The following GRAMD4 variants were observed in gnomAD, a reference collection of about 807,000 sequenced individuals.
GRAMD4 encodes GRAM domain-containing protein 4.
In GRAMD4, 25 loss-of-function variants were observed where a neutral mutation model predicts 83.9. The ratio of observed to expected loss-of-function variants is 0.30; its 90% confidence interval spans 0.22 to 0.42. GRAMD4 has a LOEUF of 0.42. Ranked by LOEUF, GRAMD4 falls within the 10% of genes least tolerant of loss-of-function variation. The pLI is 1.00. For missense variants in GRAMD4, 593 were observed against 788.7 expected, an observed-to-expected ratio of 0.75 and a Z score of 2.97; for synonymous variants, 336 against 320.9, an observed-to-expected ratio of 1.05 and a Z score of -0.50.
chr22:46,582,480 C>T (rs2081108127), intron 1 of GRAMD4, among the ~76,000 whole-genome samples: 1 of 152,312 alleles, frequency 6.6e-6, no homozygotes, highest in Middle Eastern at 3.4e-3. Context: ...CACTGCTCTC[C>T]TCTTCCTGAG....
chr22:46,611,256 G>A (rs1199647067), intron 1 of GRAMD4, among the ~76,000 whole-genome samples: 4 of 151,582 alleles, frequency 2.6e-5, no homozygotes, highest in African/African-American at 7.3e-5. Flanking sequence ...ACATCTATGC[G>A]GTCACTCTGC....
chr22:46,628,149 C>A (rs1443013851), intron 2 of GRAMD4, among the ~76,000 whole-genome samples: 1 of 152,212 alleles, frequency 6.6e-6, no homozygotes, highest in Non-Finnish European at 1.5e-5. Flanking sequence ...ATCTCCCTCC[C>A]GACACATACA....
In GRAMD4 at chr22:46,596,445, C is replaced by T. The variant is rs568949484; in HGVS notation, c.-50+19155C>T. Among the ~76,000 whole-genome samples the T allele has an allele frequency of 1.6e-4, 25 of 152,340 alleles. No individual in the cohort carries two copies. In the East Asian group the frequency reaches 4.4e-3, roughly 27 times the overall value. On this transcript the variant is annotated intron_variant, in intron 1 of 1. Coordinates refer to the GRAMD4 transcript ENST00000431155. ...TGGGTGGGTGCTGGTGCCTCCTGGGCTGTTGAGTGCTTGGCAAGGGGCTCG... is the reference window on the plus strand; with the variant it reads ...TGGGTGGGTGCTGGTGCCTCCTGGGTTGTTGAGTGCTTGGCAAGGGGCTCG...
At chr22:46,650,408 A>G (rs1312028784) in intron 3 of GRAMD4, among the ~76,000 whole-genome samples, 1 of 149,036 alleles carries the variant, frequency 6.7e-6, no homozygotes, top group Non-Finnish European at 1.5e-5. Flanking sequence ...AGGAGGGCTG[A>G]GCATTGAGGC....
chr22:46,648,407 G>T (rs2147275195), intron 3 of GRAMD4, among the ~76,000 whole-genome samples: 1 of 149,110 alleles, frequency 6.7e-6, no homozygotes, highest in African/African-American at 2.5e-5. Context: ...GCAGAGGGAT[G>T]GGTAGATGGA....
intron 1 of GRAMD4, among the ~76,000 whole-genome samples, chr22:46,586,662 G>A (rs1285446492): frequency 6.6e-6 from 1 of 152,216 alleles, no homozygotes; most frequent in Non-Finnish European, 1.5e-5. Context: ...TGGCGGAATC[G>A]CTGGTGGGGT....
intron 3 of GRAMD4, among the ~76,000 whole-genome samples, chr22:46,641,373 C>T (rs1829278052): frequency 1.4e-5 from 2 of 144,666 alleles, no homozygotes; most frequent in African/African-American, 5.2e-5. Context: ...GTGTGCGGCC[C>T]CATCTCTAAA....
At chr22:46,623,562 A>C (rs2081608943) in intron 1 of GRAMD4, among the ~76,000 whole-genome samples, 1 of 150,848 alleles carries the variant, frequency 6.6e-6, no homozygotes, top group African/African-American at 2.4e-5. Flanking sequence ...TGCCTGGCTG[A>C]CTTTTTTGTA....
At chr22:46,654,346 C>T (rs1013919596) in intron 3 of GRAMD4, among the ~76,000 whole-genome samples, 1 of 152,240 alleles carries the variant, frequency 6.6e-6, no homozygotes, top group Admixed American at 6.5e-5. Flanking sequence ...GGTTCACATG[C>T]TCCATGCTGC....
intron 11 of GRAMD4, among the ~76,000 whole-genome samples, 193 bp from the exon 12 acceptor site, chr22:46,668,496 G>A (rs1386383832): frequency 6.6e-6 from 1 of 152,148 alleles, no homozygotes; most frequent in Non-Finnish European, 1.5e-5. Context: ...GCCCGGGTCT[G>A]CTGTTGCTGT....
intron 2 of GRAMD4, among the ~76,000 whole-genome samples, 161 bp downstream of exon 2, chr22:46,627,122 C>T (rs572647902): frequency 1.3e-5 from 2 of 152,200 alleles, no homozygotes; most frequent in Non-Finnish European, 2.9e-5. Context: ...CCCTGCAGAC[C>T]TTGTGGGGCC....
chr22:46,639,044 G>A (rs939436851), intron 3 of GRAMD4, among the ~76,000 whole-genome samples: 4 of 152,238 alleles, frequency 2.6e-5, no homozygotes, highest in Admixed American at 2.0e-4. Flanking sequence ...AGGCCAGAGC[G>A]TGATAGTGAG....
Position 46,673,756 on chromosome 22 carries a change from C to A in GRAMD4, c.1326C>A (p.Thr442=). 1 of 1,613,066 alleles carries A rather than the reference C, an allele frequency of 6.2e-7. No homozygotes were observed. The highest frequency in any genetic ancestry group is 8.5e-7 in the Non-Finnish European group (1 of 1,179,946). ...KEEDAGRFHS[T]KKGNFHEIFN... The stretch of plus-strand genomic sequence containing the variant: ...AGGACGCCGGTCGCTTCCACAGCAC[C>A]AAGAAGGGCAATTTCCACGAGATCT... The change falls in exon 15 of 19, where the codon ACC becomes ACA. Residue 442 remains threonine (T), a synonymous_variant. Coordinates refer to ENST00000406902, the MANE Select transcript of GRAMD4 (RefSeq NM_015124.5).
At chr22:46,676,161 A>G (rs1189159469) in intron 17 of GRAMD4, among the ~76,000 whole-genome samples, 3 of 152,238 alleles carry the variant, frequency 2.0e-5, no homozygotes, top group African/African-American at 7.2e-5. Flanking sequence ...GTTGTGGGTC[A>G]TCTCTCCCAC....
intron 3 of GRAMD4, among the ~76,000 whole-genome samples, chr22:46,640,413 A>G (rs2081958338): frequency 6.6e-6 from 1 of 152,086 alleles, no homozygotes; most frequent in African/African-American, 2.4e-5. Context: ...GACGTTGTTG[A>G]TAACAAAGTT....
intron 2 of GRAMD4, among the ~76,000 whole-genome samples, chr22:46,628,905 C>T (rs984944922): frequency 2.6e-5 from 4 of 151,884 alleles, no homozygotes; most frequent in African/African-American, 9.7e-5. Flanking sequence ...TTGCTGGCGT[C>T]ACAGGAGAGG....
intron 1 of GRAMD4, chr22:46,588,015 G>A: frequency 2.2e-6 from 2 of 897,516 alleles, no homozygotes; most frequent in Non-Finnish European, 2.7e-6. Flanking sequence ...GAGGGAGTGG[G>A]TGGTGTCTAC....
chr22:46,662,116 C>T (rs576749754), intron 5 of GRAMD4, among the ~76,000 whole-genome samples: 4 of 152,344 alleles, frequency 2.6e-5, no homozygotes, highest in South Asian at 4.1e-4. Context: ...ACGGCTGGGA[C>T]GAGTGTGCCG....
chr22:46,579,581 T>C (rs890586282), intron 1 of GRAMD4, among the ~76,000 whole-genome samples: 5 of 152,162 alleles, frequency 3.3e-5, no homozygotes, highest in Admixed American at 1.3e-4. Context: ...CTGGTGACTT[T>C]CCTGTTATGG....
Sources: allele counts gnomAD v4.1 joint callset (sites outside exome capture counted in the v4.1 genomes callset), GRCh38; gene constraint gnomAD v4.1.1; transcripts MANE v1.5; gene names NCBI Gene and HGNC (gene_info 2026-07-23, HGNC 2026-07-21).